The following OTC variants were observed in gnomAD, a reference collection of about 807,000 sequenced individuals.
OTC encodes the protein ornithine transcarbamylase.
OTC carries 3 observed loss-of-function variants against 30.3 expected under a neutral mutation model. The ratio of observed to expected loss-of-function variants is 0.10; its 90% CI spans 0.05 to 0.26. OTC has a LOEUF of 0.26. Ranked by LOEUF, OTC falls within the 10% of genes least tolerant of loss-of-function variation. OTC has a pLI of 1.00. For missense variants in OTC, 194 were observed against 260.3 expected, an observed-to-expected ratio of 0.75 and a Z score of 1.75; for synonymous variants, 111 against 99.7, an observed-to-expected ratio of 1.11 and a Z score of -0.67.
intron 3 of OTC, among the ~76,000 whole-genome samples, chrX:38,377,912 C>T (rs961824720): frequency 9.0e-6 from 1 of 110,518 alleles, no homozygotes; most frequent in Non-Finnish European, 1.9e-5. Flanking sequence ...GCTTGGCTCA[C>T]TGCAACCTTC....
chrX:38,404,738 G>A (rs2068507776), intron 6 of OTC, among the ~76,000 whole-genome samples: 1 of 111,096 alleles, frequency 9.0e-6, no homozygotes, highest in African/African-American at 3.3e-5. Context: ...AGCAGGACAG[G>A]GAAAGGGAAG....
At chrX:38,391,933 A>G (rs1187707317) in intron 4 of OTC, among the ~76,000 whole-genome samples, 2 of 112,051 alleles carry the variant, frequency 1.8e-5, no homozygotes, top group Admixed American at 1.9e-4. Context: ...GATTAAAAAA[A>G]TAGAGCCACT....
At chrX:38,383,815 C>CAAAAAAAAAAAAAAAAA (rs748723759) in intron 4 of OTC, among the ~76,000 whole-genome samples, 1 of 65,258 alleles carries the variant, frequency 1.5e-5, no homozygotes. Flanking sequence ...AAAGAAAAGA[C>CAAAAAAAAAAAAAAAAA]AAAAAAAAAA....
At chrX:38,345,544 ATTTT>A in the OTC span, among the ~76,000 whole-genome samples, 4 of 99,727 alleles carry the variant, frequency 4.0e-5, no homozygotes, top group African/African-American at 1.1e-4. Flanking sequence ...CCTAAACCAT[ATTTT>A]TTTTTTTTTT....
chrX:38,421,525 A>G (rs1296165659), downstream of OTC: 2 of 131,622 alleles, frequency 1.5e-5, no homozygotes, highest in East Asian at 4.5e-4. Flanking sequence ...GACCAACTAG[A>G]AAGCCAAATG....
intron 4 of OTC, among the ~76,000 whole-genome samples, chrX:38,400,541 C>T (rs192831038): frequency 2.7e-5 from 3 of 111,112 alleles, no homozygotes; most frequent in Non-Finnish European, 5.7e-5. Flanking sequence ...GGTCTGACCC[C>T]TGTGGGAAAG....
chrX:38,353,361 G>C (rs2147315885), intron 1 of OTC, among the ~76,000 whole-genome samples: 1 of 101,839 alleles, frequency 9.8e-6, no homozygotes, highest in East Asian at 3.2e-4. Flanking sequence ...TGTGCATGTG[G>C]TTGAAGATGG....
chrX:38,351,526 A>G (rs754886946), upstream of OTC, among the ~76,000 whole-genome samples: 2 of 111,545 alleles, frequency 1.8e-5, no homozygotes, highest in Non-Finnish European at 3.8e-5. Context: ...CTCTGCAAAG[A>G]TGATGTCATC....
chrX:38,365,082 G>T (rs1278251565), intron 1 of OTC, among the ~76,000 whole-genome samples: 1 of 112,551 alleles, frequency 8.9e-6, no homozygotes, highest in African/African-American at 3.2e-5. Context: ...ATTGCAAAAA[G>T]ACCTCCATAA....
chrX:38,399,193 T>C (rs1001013391), intron 4 of OTC, among the ~76,000 whole-genome samples: 3 of 111,058 alleles, frequency 2.7e-5, no homozygotes, highest in African/African-American at 9.8e-5. Flanking sequence ...ATGAATCACC[T>C]GGAAACCTTG....
chrX:38,345,293 A>G, the OTC span, among the ~76,000 whole-genome samples: 4 of 111,627 alleles, frequency 3.6e-5, no homozygotes, highest in Non-Finnish European at 5.6e-5. Flanking sequence ...TTTGGGAGAA[A>G]CTTAGTTTAT....
intron 1 of OTC, among the ~76,000 whole-genome samples, chrX:38,362,404 G>A (rs778766702): frequency 1.2e-3 from 134 of 111,897 alleles, no homozygotes; most frequent in African/African-American, 4.2e-3. Context: ...GGCAGCAAGA[G>A]TGAGGGCAGC....
chrX:38,393,289 A>G (rs1044097714), intron 4 of OTC, among the ~76,000 whole-genome samples: 1 of 112,792 alleles, frequency 8.9e-6, no homozygotes, highest in Non-Finnish European at 1.9e-5. Flanking sequence ...TGCATTAAAC[A>G]TCTTACAAAG....
chrX:38,358,595 A>AC (rs1289966733), intron 1 of OTC, among the ~76,000 whole-genome samples: 5 of 104,277 alleles, frequency 4.8e-5, no homozygotes, highest in Non-Finnish European at 7.9e-5. Context: ...AAACAGCATA[A>AC]CCCCCCCTCA....
At chrX:38,362,136 G>C (rs2068274940) in intron 1 of OTC, among the ~76,000 whole-genome samples, 1 of 111,703 alleles carries the variant, frequency 9.0e-6, no homozygotes. Flanking sequence ...AGTTGGGAGT[G>C]GGGGAAAAGG....
At chrX:38,382,929 G>C (rs1305718261) in intron 4 of OTC, among the ~76,000 whole-genome samples, 1 of 111,723 alleles carries the variant, frequency 9.0e-6, no homozygotes, top group Non-Finnish European at 1.9e-5. Context: ...CAGTGCAGTG[G>C]GCAGGATCCC....
At chrX:38,340,916 C>A in the OTC span, among the ~76,000 whole-genome samples, 1 of 110,446 alleles carries the variant, frequency 9.1e-6, no homozygotes, top group Non-Finnish European at 1.9e-5. Context: ...CCTGCCTCAG[C>A]CTTCTGAGTA....
At chrX:38,340,480 T>TG in the OTC span, among the ~76,000 whole-genome samples, 5 of 104,615 alleles carry the variant, frequency 4.8e-5, no homozygotes, top group Admixed American at 2.1e-4. Context: ...TTTGTTTTTT[T>TG]TTTTTTTTGC....
the OTC span, among the ~76,000 whole-genome samples, chrX:38,338,580 C>T: frequency 8.0e-5 from 9 of 112,099 alleles, no homozygotes; most frequent in African/African-American, 2.6e-4. Context: ...ACACTTTGCC[C>T]CCTTCCTTTT....
Sources: gnomAD v4.1 joint callset for allele counts (sites outside exome capture counted in the v4.1 genomes callset) on GRCh38, gnomAD v4.1.1 for gene constraint, MANE v1.5 for transcripts, NCBI Gene and HGNC (gene_info 2026-07-23, HGNC 2026-07-21) for gene names.